SDK2: variants seen among roughly 807,000 people sequenced by gnomAD.
The protein encoded by SDK2 is sidekick cell adhesion molecule 2.
A neutral mutation model predicts 253.9 loss-of-function variants in SDK2; 105 were observed. That is an observed-to-expected ratio of 0.41 (90% CI 0.35 to 0.49). SDK2 has a LOEUF of 0.49. Ranked by LOEUF, SDK2 falls within the 20% of genes least tolerant of loss-of-function variation. The probability of loss-of-function intolerance (pLI) is 0.06; values close to 1 mark genes in which losing one functional copy is unlikely to be tolerated. For missense variants in SDK2, 2,608 were observed against 3,003.0 expected, an observed-to-expected ratio of 0.87 and a Z score of 3.07; for synonymous variants, 1,249 against 1,234.9, an observed-to-expected ratio of 1.01 and a Z score of -0.24.
Position 73,451,642 on chromosome 17 carries a change from T to G in SDK2, c.480-3894A>C, listed in dbSNP as rs2063490557. ...ACCCTGGACTGGGACCCCCAGGGCC[T>G]GAGTTCAAGTCTTAAACACAGAGTG... On this transcript the variant is annotated intron_variant, in intron 4 of 44. Coordinates refer to ENST00000392650, the MANE Select transcript of SDK2 (RefSeq NM_001144952.2). Among the ~76,000 whole-genome samples the G allele has an allele frequency of 3.3e-5, 5 of 152,214 alleles. No individual in the cohort carries two copies. The South Asian group carries it at 1.0e-3, about 32-fold the overall frequency.
chr17:73,593,222 C>T (rs1280496534), intron 1 of SDK2, among the ~76,000 whole-genome samples: 2 of 152,190 alleles, frequency 1.3e-5, no homozygotes, highest in South Asian at 4.1e-4. Context: ...GGATGTGGGG[C>T]TCTGTGGTCC....
At chr17:73,506,951 CCCTGAGAGGG>C (rs1363227874) in intron 2 of SDK2, among the ~76,000 whole-genome samples, 2 of 152,262 alleles carry the variant, frequency 1.3e-5, no homozygotes, top group Non-Finnish European at 2.9e-5. Flanking sequence ...GCTCAAGAGG[CCCTGAGAGGG>C]CCATCTCTGT....
chr17:73,428,838 G>A (rs1342178788), intron 12 of SDK2, among the ~76,000 whole-genome samples: 1 of 152,042 alleles, frequency 6.6e-6, no homozygotes, highest in African/African-American at 2.4e-5. Flanking sequence ...GCCAATTTTG[G>A]GGGGGATAAA....
At chr17:73,632,058 C>T (rs955771041) in intron 1 of SDK2, among the ~76,000 whole-genome samples, 1 of 152,248 alleles carries the variant, frequency 6.6e-6, no homozygotes, top group African/African-American at 2.4e-5. Context: ...ACCCAAGCAG[C>T]AGGGTCCCCT....
intron 1 of SDK2, among the ~76,000 whole-genome samples, chr17:73,605,074 G>T (rs955550731): frequency 1.3e-5 from 2 of 152,202 alleles, no homozygotes; most frequent in African/African-American, 2.4e-5. Context: ...GGGCAAGGCC[G>T]TAAGAGGGTC....
intron 32 of SDK2, among the ~76,000 whole-genome samples, chr17:73,385,408 G>A (rs2062864131): frequency 6.6e-6 from 1 of 152,212 alleles, no homozygotes; most frequent in Admixed American, 6.5e-5. Context: ...GTCTCTGCAA[G>A]GAATCCCTTC....
intron 40 of SDK2, chr17:73,357,837 G>C (rs2062604646): frequency 1.6e-6 from 1 of 636,938 alleles, no homozygotes; most frequent in Non-Finnish European, 2.8e-6. Context: ...AACCCAAGCT[G>C]GTCCTCAGTT....
intron 3 of SDK2, among the ~76,000 whole-genome samples, chr17:73,460,542 T>A (rs529166932): frequency 6.6e-6 from 1 of 152,316 alleles, no homozygotes; most frequent in African/African-American, 2.4e-5. Flanking sequence ...AAAAATTGTA[T>A]CTAATATTTG....
intron 1 of SDK2, among the ~76,000 whole-genome samples, chr17:73,615,878 CAT>C (rs2046047377): frequency 6.6e-6 from 1 of 152,208 alleles, no homozygotes; most frequent in East Asian, 1.9e-4. Context: ...CACACAACCA[CAT>C]GTGCATTCAC....
chr17:73,627,539 G>A (rs1265330076), intron 1 of SDK2, among the ~76,000 whole-genome samples: 1 of 152,244 alleles, frequency 6.6e-6, no homozygotes, highest in African/African-American at 2.4e-5. Flanking sequence ...CCAAGGGCAT[G>A]AGGGATAAGC....
At chr17:73,459,462 C>A (rs1057295184) in intron 3 of SDK2, among the ~76,000 whole-genome samples, 1 of 152,224 alleles carries the variant, frequency 6.6e-6, no homozygotes, top group Non-Finnish European at 1.5e-5. Flanking sequence ...GGCTGGGCCA[C>A]TGCCTGGAAT....
At chr17:73,519,962 A>G (rs2064063542) in intron 1 of SDK2, 1 of 152,246 alleles carries the variant, frequency 6.6e-6, no homozygotes, top group African/African-American at 2.4e-5. Flanking sequence ...TTTGCCGTCC[A>G]TCCTGCACGC....
At chr17:73,597,198 G>A (rs1024611003) in intron 1 of SDK2, among the ~76,000 whole-genome samples, 1 of 152,138 alleles carries the variant, frequency 6.6e-6, no homozygotes, top group Non-Finnish European at 1.5e-5. Context: ...CCTCACCGGG[G>A]CCTTGAAGGG....
intron 18 of SDK2, among the ~76,000 whole-genome samples, chr17:73,406,274 C>G (rs1465252769): frequency 7.0e-6 from 1 of 143,378 alleles, no homozygotes; most frequent in Non-Finnish European, 1.5e-5. Context: ...GATGGAGTCT[C>G]GCTCTGTTGC....
At chr17:73,508,063 G>A (rs1382864999) in intron 1 of SDK2, among the ~76,000 whole-genome samples, 2 of 152,232 alleles carry the variant, frequency 1.3e-5, no homozygotes, top group African/African-American at 2.4e-5. Flanking sequence ...GCTCCCCAAG[G>A]CTGGGGGAAG....
chr17:73,612,179 A>G lies in SDK2; in HGVS notation c.64+31846T>C, dbSNP rs1467301040. On this transcript the variant is annotated intron_variant, in intron 1 of 44. Coordinates refer to ENST00000392650, the MANE Select transcript of SDK2 (RefSeq NM_001144952.2). This position sits in a 1 kb window ranked among gnomAD's most constrained non-coding sequence, Gnocchi z 4.4. ...CGCTGCAGCCTCTTCAAGCGAGGAA[A>G]GATAAATGCAAGTACACCACAGTGG... Among the ~76,000 whole-genome samples the G allele has an allele frequency of 1.3e-5, 2 of 152,242 alleles. No homozygotes were observed. The highest frequency in any genetic ancestry group is 2.9e-5 in the Non-Finnish European group (2 of 68,044).
chr17:73,468,206 G>C (rs1444321666), intron 3 of SDK2, among the ~76,000 whole-genome samples: 2 of 152,190 alleles, frequency 1.3e-5, no homozygotes, highest in Non-Finnish European at 2.9e-5. Context: ...TTTACTGAAG[G>C]CTATTCTGCT....
At chr17:73,471,946 G>A (rs1354109494) in intron 3 of SDK2, among the ~76,000 whole-genome samples, 166 bp downstream of exon 3, 3 of 152,224 alleles carry the variant, frequency 2.0e-5, no homozygotes, top group Non-Finnish European at 4.4e-5. Context: ...TCTGGGCCTT[G>A]GTTCTACCAA....
chr17:73,437,787 T>C lies in SDK2; in HGVS notation c.952A>G (p.Ile318Val). 3 of 1,614,010 alleles carry C rather than the reference T, an allele frequency of 1.9e-6. No homozygotes were observed. In the African/African-American group the frequency reaches 4.0e-5, roughly 22 times the overall value. Residue 318 changes from isoleucine to valine, a missense_variant, in exon 8 of 45, where the codon ATC becomes GTC. Coordinates refer to ENST00000392650, the MANE Select transcript of SDK2 (RefSeq NM_001144952.2). ...ACCACCTTCTCCATCTCCGCAGTGA[T>C]GTGTCTTTCTGGCTCCTTGACAAAC... ...PQFVKEPERHITAEMEKVVDI... is the reference protein window; with the variant it reads ...PQFVKEPERHVTAEMEKVVDI...
Sources: allele counts gnomAD v4.1 joint callset (sites outside exome capture counted in the v4.1 genomes callset), GRCh38; gene constraint gnomAD v4.1.1; non-coding constraint Gnocchi (gnomAD v3.1); transcripts MANE v1.5; gene names NCBI Gene and HGNC (gene_info 2026-07-23, HGNC 2026-07-21).